Variants in YES1 observed in about 807,000 individuals in gnomAD.
The protein encoded by YES1 is YES proto-oncogene 1, Src family tyrosine kinase.
YES1 carries 39 observed loss-of-function variants against 70.4 expected under a neutral mutation model. The ratio of observed to expected loss-of-function variants is 0.55; its 90% CI spans 0.43 to 0.72. The LOEUF (loss-of-function observed/expected upper bound fraction) is 0.72, where lower values mean the gene tolerates loss of function less well. Ranked by LOEUF, YES1 falls within the 30% of genes least tolerant of loss-of-function variation. The pLI is 0.00. For synonymous variants in YES1, 198 were observed against 218.6 expected (o/e 0.91, Z 0.83); for missense variants, 495 against 644.8 (o/e 0.77, Z 2.52).
chr18:762,134 A>T (rs1178270035), intron 1 of YES1, among the ~76,000 whole-genome samples: 1 of 152,284 alleles, frequency 6.6e-6, no homozygotes, highest in East Asian at 1.9e-4. Context: ...CAGCCTGACC[A>T]ATGTGGAGAA....
intron 1 of YES1, chr18:788,121 T>G (rs963064632): frequency 1.3e-5 from 2 of 152,206 alleles, no homozygotes; most frequent in East Asian, 1.9e-4. Flanking sequence ...TGAACTTGCC[T>G]CCTTTGGCTT....
chr18:745,888 C>T, intron 5 of YES1, 31 bp from the exon 6 acceptor site: 1 of 1,606,912 alleles, frequency 6.2e-7, no homozygotes, highest in South Asian at 1.1e-5. Context: ...TTCACTATAT[C>T]TTTCTCAAAA....
rs529822246 is a variant in YES1, at chr18:734,214, G to A, written c.1292-1249C>T. Reference sequence around the variant, plus strand: ...GAATTGCTTGAACCTGGGGGGCAGAGGTTGCAGTGAGCCAAGATCATGCCA... The same window carrying A: ...GAATTGCTTGAACCTGGGGGGCAGAAGTTGCAGTGAGCCAAGATCATGCCA... On this transcript the variant is annotated intron_variant, in intron 10 of 11. Coordinates refer to ENST00000314574, the MANE Select transcript of YES1 (RefSeq NM_005433.4). Among the ~76,000 whole-genome samples, 6 of 151,772 alleles carry A rather than the reference G, an allele frequency of 4.0e-5. No individual in the cohort carries two copies. The South Asian group carries it at 1.2e-3, about 32-fold the overall frequency.
chr18:728,200 C>A (rs767772305), intron 11 of YES1, among the ~76,000 whole-genome samples: 32 of 152,034 alleles, frequency 2.1e-4, no homozygotes, highest in Non-Finnish European at 4.3e-4. Context: ...ATGGCACACA[C>A]CTGTGGTCTC....
chr18:772,885 T>C (rs1905220282), intron 1 of YES1, among the ~76,000 whole-genome samples: 1 of 152,226 alleles, frequency 6.6e-6, no homozygotes. Context: ...GCACTTTAAT[T>C]GCCTGTTTCT....
chr18:774,077 C>T (rs1391167002), intron 1 of YES1, among the ~76,000 whole-genome samples: 3 of 152,166 alleles, frequency 2.0e-5, no homozygotes, highest in African/African-American at 4.8e-5. Flanking sequence ...GTGATCCACC[C>T]GCCTTGGCCT....
At position 739,715 on chromosome 18, in the gene YES1, A is replaced by G. The variant is rs1287608439; in HGVS notation, c.1137+20T>C. The stretch of plus-strand genomic sequence containing the variant: ...ATTTACACTTTTAATTCAAATGGAT[A>G]CATGTATATATACAGATACCTGAGC... On this transcript the variant is annotated intron_variant, in intron 9 of 11. Transcript: ENST00000314574. 4 of 1,550,990 alleles carry G rather than the reference A, an allele frequency of 2.6e-6. No individual in the cohort carries two copies. In the Admixed American group the frequency reaches 7.2e-5, roughly 28 times the overall value.
chr18:730,642 G>A (rs1363292852), intron 11 of YES1, among the ~76,000 whole-genome samples: 1 of 152,126 alleles, frequency 6.6e-6, no homozygotes, highest in Admixed American at 6.5e-5. Flanking sequence ...GGGTTTTACT[G>A]CCCTGTGCTA....
chr18:801,132 C>A (rs578064909), intron 1 of YES1, among the ~76,000 whole-genome samples: 8 of 151,766 alleles, frequency 5.3e-5, no homozygotes, highest in African/African-American at 1.9e-4. Flanking sequence ...GGCAACAGAG[C>A]GAGACTCCAT....
At chr18:749,938 T>A (rs1259801780) in intron 3 of YES1, among the ~76,000 whole-genome samples, 2 of 151,856 alleles carry the variant, frequency 1.3e-5, no homozygotes, top group Non-Finnish European at 2.9e-5. Flanking sequence ...GAGAACTACA[T>A]GTGGTTTATA....
intron 8 of YES1, among the ~76,000 whole-genome samples, chr18:741,708 T>C (rs1490113308): frequency 6.6e-6 from 1 of 152,004 alleles, no homozygotes; most frequent in African/African-American, 2.4e-5. Context: ...GAGGCTGAGA[T>C]GAGAGGATCG....
chr18:729,619 CTTT>C (rs869223956), intron 11 of YES1, among the ~76,000 whole-genome samples: 40 of 75,416 alleles, frequency 5.3e-4, no homozygotes, highest in South Asian at 1.8e-3. Context: ...TGATTTTGAA[CTTT>C]TTTTTTTTTT....
chr18:783,979 G>A (rs1312615883), intron 1 of YES1, among the ~76,000 whole-genome samples: 1 of 151,854 alleles, frequency 6.6e-6, no homozygotes. Context: ...TTTGTTTTGA[G>A]GATAATTAGA....
At chr18:733,457 G>A (rs1174413599) in intron 10 of YES1, among the ~76,000 whole-genome samples, 1 of 151,972 alleles carries the variant, frequency 6.6e-6, no homozygotes, top group Non-Finnish European at 1.5e-5. Context: ...TTTTTGTGGA[G>A]GGCATTATGC....
chr18:750,394 T>C (rs2080329065), intron 3 of YES1, among the ~76,000 whole-genome samples: 1 of 152,202 alleles, frequency 6.6e-6, no homozygotes, highest in Admixed American at 6.5e-5. Context: ...GTTTTCCAAC[T>C]TCAGCACTAT....
At chr18:733,033 C>T (rs959779912) in intron 10 of YES1, 68 bp from the exon 11 acceptor site, 2 of 1,505,528 alleles carry the variant, frequency 1.3e-6, no homozygotes, top group African/African-American at 1.4e-5. Flanking sequence ...ATAGCATATG[C>T]AGGGCTAATG....
chr18:727,162 T>C (rs2080030822), intron 11 of YES1, among the ~76,000 whole-genome samples: 1 of 152,214 alleles, frequency 6.6e-6, no homozygotes, highest in South Asian at 2.1e-4. Context: ...TTTGAAGCTA[T>C]GTAGTTACAT....
rs573381620 is a variant in YES1, at chr18:732,732, G to A, written c.1423+102C>T. 1.0e-3 allele frequency: 1,486 copies of A among 1,453,706 alleles called. 1 individual carries two copies. The highest frequency in any genetic ancestry group is 1.2e-3 in the Non-Finnish European group (1,237 of 1,048,192). 90.1% of individuals were successfully genotyped at this position (1,453,706 alleles called of 1,614,324 possible). ...GGAGAGGGAGAGGCAGGGGGACTATGAGAAGAAATAAAGGCCTTTTCCCCG... is the reference window on the plus strand; with the variant it reads ...GGAGAGGGAGAGGCAGGGGGACTATAAGAAGAAATAAAGGCCTTTTCCCCG... On this transcript the variant is annotated intron_variant, in intron 11 of 11. Coordinates refer to ENST00000314574, the MANE Select transcript of YES1 (RefSeq NM_005433.4).
At chr18:735,357 G>C (rs1440966378) in intron 10 of YES1, among the ~76,000 whole-genome samples, 7 of 152,080 alleles carry the variant, frequency 4.6e-5, no homozygotes, top group Admixed American at 1.3e-4. Context: ...CAGAAACTTA[G>C]AGCTAGAGGC....
Sources: gnomAD v4.1 joint callset for allele counts (sites outside exome capture counted in the v4.1 genomes callset) on GRCh38, gnomAD v4.1.1 for gene constraint, MANE v1.5 for transcripts, NCBI Gene and HGNC (gene_info 2026-07-23, HGNC 2026-07-21) for gene names.